Variants in ZFHX3 observed in about 807,000 individuals in gnomAD.
ZFHX3 encodes zinc finger homeobox 3.
Under a neutral mutation model 279.1 loss-of-function variants are expected in ZFHX3, and 42 were observed. The ratio of observed to expected loss-of-function variants is 0.15; its 90% CI spans 0.12 to 0.19. ZFHX3 has a LOEUF of 0.19. Among genes scored for constraint, ZFHX3 ranks in the 10% least tolerant of loss-of-function variants. ZFHX3 has a pLI of 1.00. For synonymous variants in ZFHX3, 2,293 were observed against 1,957.8 expected, an observed-to-expected ratio of 1.17 and a Z score of -4.52; for missense variants, 4,981 against 4,754.0, an observed-to-expected ratio of 1.05 and a Z score of -1.40.
At chr16:72,835,383 T>C (rs1446778462) in intron 4 of ZFHX3, among the ~76,000 whole-genome samples, 3 of 152,100 alleles carry the variant, frequency 2.0e-5, no homozygotes. Context: ...GAAAAATGTA[T>C]TGATTTTTCA....
chr16:73,212,701 C>T (rs1213854362), intron 5 of ZFHX3, among the ~76,000 whole-genome samples: 2 of 152,210 alleles, frequency 1.3e-5, no homozygotes, highest in African/African-American at 2.4e-5. Flanking sequence ...ATACTCCACA[C>T]ATGTGCTTGT....
chr16:73,525,015 T>G (rs979058719), intron 2 of ZFHX3, among the ~76,000 whole-genome samples: 10 of 152,192 alleles, frequency 6.6e-5, no homozygotes, highest in Admixed American at 1.3e-4. Flanking sequence ...GAGCTGTGAC[T>G]GGTAGAAACC....
intron 3 of ZFHX3, among the ~76,000 whole-genome samples, chr16:73,351,377 C>T (rs1461717517): frequency 6.6e-5 from 10 of 152,114 alleles, no homozygotes; most frequent in Non-Finnish European, 1.0e-4. Flanking sequence ...TTCAACAGGC[C>T]GTATTGGTCC....
chr16:73,742,452 A>C (rs1025578765), intron 1 of ZFHX3, among the ~76,000 whole-genome samples: 1 of 152,236 alleles, frequency 6.6e-6, no homozygotes, highest in Non-Finnish European at 1.5e-5. Flanking sequence ...CACCACCAGC[A>C]GCATTTAGAA....
chr16:72,912,292 C>T (rs956173168), intron 3 of ZFHX3, among the ~76,000 whole-genome samples: 1 of 152,166 alleles, frequency 6.6e-6, no homozygotes, highest in Non-Finnish European at 1.5e-5. Flanking sequence ...GGTTAGTAAA[C>T]AGCAAGTTAA....
intron 3 of ZFHX3, among the ~76,000 whole-genome samples, chr16:73,339,060 A>T (rs533592449): frequency 1.3e-5 from 2 of 152,300 alleles, no homozygotes; most frequent in African/African-American, 4.8e-5. Context: ...AGCCTGCAGA[A>T]CTGTGAGCCA....
At position 72,950,667 on chromosome 16, in the gene ZFHX3, G is replaced by C; in HGVS notation, c.3018C>G (p.Asp1006Glu). 1.2e-6 allele frequency: 2 copies of C among 1,614,238 alleles called. No homozygotes were observed. Among genetic ancestry groups the C allele is most frequent in the Non-Finnish European group, 1.7e-6 (2 of 1,180,038 alleles). ...CCAGCTGGTACTTCTGCACGTGCTTGTCTGTCTTGCAGTGCAGCTGGAAGT... is the reference window on the plus strand; with the variant it reads ...CCAGCTGGTACTTCTGCACGTGCTTCTCTGTCTTGCAGTGCAGCTGGAAGT... ...KANFQLHCKT[D>E]KHVQKYQLVA... is the part of the protein sequence containing the mutation. The change falls in exon 3 of 10, where the codon GAC (aspartate) becomes GAG (glutamate). Residue 1006 changes from aspartate to glutamate, a missense_variant. Physicochemically the swap from Asp to Glu is conservative, Grantham distance 45 (BLOSUM62 2). Coordinates refer to ENST00000268489, the MANE Select transcript of ZFHX3 (RefSeq NM_006885.4).
intron 1 of ZFHX3, among the ~76,000 whole-genome samples, chr16:73,779,424 T>C (rs1217146300): frequency 3.1e-5 from 1 of 31,790 alleles, no homozygotes; most frequent in East Asian, 9.8e-4. Flanking sequence ...TGGTGTTTCA[T>C]TCTAGTATGG....
At chr16:72,921,189 C>A (rs1005374691) in intron 3 of ZFHX3, among the ~76,000 whole-genome samples, 3 of 151,892 alleles carry the variant, frequency 2.0e-5, no homozygotes, top group South Asian at 4.1e-4. Flanking sequence ...GAATTACAGA[C>A]CCTGCTCTCC....
intron 1 of ZFHX3, among the ~76,000 whole-genome samples, chr16:73,710,140 G>A (rs2053344522): frequency 6.6e-6 from 1 of 152,164 alleles, no homozygotes; most frequent in African/African-American, 2.4e-5. Context: ...TTGTGCCATT[G>A]CACTCCAGCC....
chr16:73,017,556 C>G (rs746520096), intron 1 of ZFHX3, among the ~76,000 whole-genome samples: 42 of 152,164 alleles, frequency 2.8e-4, no homozygotes, highest in Non-Finnish European at 5.6e-4. Context: ...GCTGCCGTCA[C>G]GACTAAATAA....
intron 1 of ZFHX3, among the ~76,000 whole-genome samples, chr16:73,789,237 G>A (rs1959752854): frequency 6.6e-6 from 1 of 151,936 alleles, no homozygotes; most frequent in Non-Finnish European, 1.5e-5. Flanking sequence ...CTGCGGTGCA[G>A]TGGTGTGATA....
chr16:73,596,589 C>T (rs1567528887), intron 2 of ZFHX3, among the ~76,000 whole-genome samples: 2 of 152,134 alleles, frequency 1.3e-5, no homozygotes. Flanking sequence ...AACATTAGTG[C>T]CCTCTTCACC....
chr16:72,799,048 G>T (rs2143474181), intron 8 of ZFHX3, among the ~76,000 whole-genome samples: 1 of 152,320 alleles, frequency 6.6e-6, no homozygotes, highest in Admixed American at 6.5e-5. Context: ...AATTTCTCAA[G>T]AGCTGGTTTG....
chr16:73,754,528 C>G (rs1052039998), intron 1 of ZFHX3, among the ~76,000 whole-genome samples: 1 of 151,838 alleles, frequency 6.6e-6, no homozygotes, highest in African/African-American at 2.4e-5. Flanking sequence ...ACCTTGCAGC[C>G]CCAGCTGCCA....
At chr16:73,535,295 T>C (rs2019879604) in intron 2 of ZFHX3, among the ~76,000 whole-genome samples, 1 of 152,210 alleles carries the variant, frequency 6.6e-6, no homozygotes, top group Non-Finnish European at 1.5e-5. Flanking sequence ...TGTTATTTAA[T>C]CGTAAGTTTA....
intron 3 of ZFHX3, among the ~76,000 whole-genome samples, chr16:72,915,844 A>G (rs528840226): frequency 3.3e-5 from 5 of 152,346 alleles, no homozygotes; most frequent in South Asian, 2.1e-4. Context: ...AGTGTTATTA[A>G]TAAGTTAATC....
chr16:72,789,305 A>G (rs2035598801), intron 9 of ZFHX3: 1 of 156,812 alleles, frequency 6.4e-6, no homozygotes, highest in South Asian at 2.0e-4. Flanking sequence ...CTTCCTGCCC[A>G]ATGTGCCACA....
chr16:73,858,969 G>C (rs1961811028), intron 1 of ZFHX3, among the ~76,000 whole-genome samples: 1 of 152,108 alleles, frequency 6.6e-6, no homozygotes, highest in Admixed American at 6.6e-5. Flanking sequence ...TACATGATTT[G>C]TGCAAGCCTA....
Sources: gnomAD v4.1 joint callset for allele counts (sites outside exome capture counted in the v4.1 genomes callset) on GRCh38, gnomAD v4.1.1 for gene constraint, MANE v1.5 for transcripts, NCBI Gene and HGNC (gene_info 2026-07-23, HGNC 2026-07-21) for gene names.